Variants in MICU2 observed in about 807,000 individuals in gnomAD.
MICU2 encodes mitochondrial calcium uptake 2, also known as calcium uptake protein 2, mitochondrial.
MICU2 carries 64 observed loss-of-function variants against 60.4 expected under a neutral mutation model. That is an observed-to-expected ratio of 1.06 (90% CI 0.87 to 1.31). The LOEUF (loss-of-function observed/expected upper bound fraction) is 1.31, where lower values mean the gene tolerates loss of function less well. MICU2 is among the 50% of genes most tolerant of loss of function. The pLI is 0.00. For missense variants in MICU2, 569 were observed against 531.0 expected (o/e 1.07, Z -0.70); for synonymous variants, 201 against 175.0 (o/e 1.15, Z -1.17).
In MICU2 at chr13:21,521,338, G is replaced by A. The variant is rs762761722; in HGVS notation, c.515-11C>T. On this transcript the variant is annotated splice_polypyrimidine_tract_variant and intron_variant, in intron 5 of 11. Coordinates refer to ENST00000382374, the MANE Select transcript of MICU2 (RefSeq NM_152726.3). ...ATCCAGAATGGGGTTCTGCAGTGAA[G>A]TGAAAAATGAATATTTAAATGTTGA... is the stretch of plus-strand genomic sequence containing the variant. The A allele has an allele frequency of 1.3e-6, 2 of 1,595,694 alleles. No homozygotes were observed. Among genetic ancestry groups the A allele is most frequent in the South Asian group, 1.1e-5 (1 of 87,396 alleles).
chr13:21,555,303 A>G (rs1340383045), intron 2 of MICU2, among the ~76,000 whole-genome samples: 1 of 152,224 alleles, frequency 6.6e-6, no homozygotes. Flanking sequence ...ACAGCAACAC[A>G]TCAAAAAGCT....
intron 1 of MICU2, among the ~76,000 whole-genome samples, chr13:21,601,827 C>T (rs998854067): frequency 6.6e-6 from 1 of 152,030 alleles, no homozygotes; most frequent in East Asian, 1.9e-4. Flanking sequence ...GCATTTTGGC[C>T]GGGCGCTGTG....
At chr13:21,572,427 T>G (rs1417531899) in intron 1 of MICU2, among the ~76,000 whole-genome samples, 1 of 152,188 alleles carries the variant, frequency 6.6e-6, no homozygotes, top group Non-Finnish European at 1.5e-5. Context: ...TAGTGCCAAG[T>G]GAATCTACAT....
intron 1 of MICU2, among the ~76,000 whole-genome samples, chr13:21,601,789 G>C (rs1888821358): frequency 6.6e-6 from 1 of 152,186 alleles, no homozygotes; most frequent in African/African-American, 2.4e-5. Context: ...GACTATAAAA[G>C]GCTCTGAAAG....
intron 4 of MICU2, among the ~76,000 whole-genome samples, chr13:21,528,975 A>C (rs148018151): frequency 6.6e-6 from 1 of 152,108 alleles, no homozygotes; most frequent in African/African-American, 2.4e-5. Context: ...GAAAGCGTAA[A>C]AAGACGTGGC....
chr13:21,509,995 T>C lies in MICU2; in HGVS notation c.761+9A>G. On this transcript the variant is annotated intron_variant, in intron 8 of 11. Transcript: ENST00000382374. ...ATTTCCCTAAATGAATGTAAATATT[T>C]GCATTTACCTTCGAAATTCTTTATA... The C allele has an allele frequency of 1.4e-6, 2 of 1,475,198 alleles. No homozygotes were observed. The highest frequency in any genetic ancestry group is 1.8e-6 in the Non-Finnish European group (2 of 1,094,420). The allele number at this position is 1,475,198 out of a possible 1,614,324, so 91.4% of individuals were successfully genotyped here.
rs191372140 is a variant in MICU2, at chr13:21,510,056, G to C, written c.709C>G (p.Arg237Gly). The change falls in exon 8 of 12, where the codon CGT becomes GGT. Residue 237 changes from arginine (R) to glycine (G), a missense_variant. Coordinates refer to ENST00000382374, the MANE Select transcript of MICU2 (RefSeq NM_152726.3). ...EPEINTTLQM[R>G]FFGKRGQRKL... Reference sequence around the variant, plus strand: ...CTTTGTCCTCTTTTTCCAAAGAAACGCATCTGAAGAGTTGTGTTAATTTCA... The same window carrying C: ...CTTTGTCCTCTTTTTCCAAAGAAACCCATCTGAAGAGTTGTGTTAATTTCA... 6.5e-7 allele frequency: 1 copy of C among 1,534,790 alleles called. No homozygotes were observed. Among genetic ancestry groups the C allele is most frequent in the East Asian group, 2.5e-5 (1 of 40,236 alleles).
chr13:21,543,573 C>T (rs1203245263), intron 2 of MICU2, among the ~76,000 whole-genome samples: 1 of 152,034 alleles, frequency 6.6e-6, no homozygotes, highest in Non-Finnish European at 1.5e-5. Context: ...GGTACAAAAA[C>T]ACATACACAC....
At position 21,530,895 on chromosome 13, in the gene MICU2, A is replaced by G. The variant is rs991561655; in HGVS notation, c.467-8245T>C. The G allele has an allele frequency of 5.3e-6, 4 of 756,398 alleles. No homozygotes were observed. The African/African-American group carries it at 6.8e-5, about 13-fold the overall frequency. The allele number at this position is 756,398 out of a possible 1,614,324, so 46.9% of individuals were successfully genotyped here. On this transcript the variant is annotated intron_variant, in intron 4 of 11. Coordinates refer to ENST00000382374, the MANE Select transcript of MICU2 (RefSeq NM_152726.3). ...ACGTCCTGTACAGCGACAGAGCAGA[A>G]TGGGCTGATATAGATCTAGTGCTGC... is the stretch of plus-strand genomic sequence containing the variant.
At chr13:21,497,507 G>A (rs1006862802) in intron 9 of MICU2, among the ~76,000 whole-genome samples, 6 of 152,132 alleles carry the variant, frequency 3.9e-5, no homozygotes, top group African/African-American at 1.4e-4. Context: ...TCAGGAGTTG[G>A]AGACCAGACT....
intron 6 of MICU2, among the ~76,000 whole-genome samples, chr13:21,517,811 GCGCACA>G (rs1357609356): frequency 1.2e-4 from 17 of 139,214 alleles, no homozygotes; most frequent in African/African-American, 3.8e-4. Flanking sequence ...GCGCGCGCGC[GCGCACA>G]CGCGCTACAT....
intron 1 of MICU2, among the ~76,000 whole-genome samples, chr13:21,574,176 C>A (rs1196793689): frequency 6.6e-6 from 1 of 152,142 alleles, no homozygotes; most frequent in African/African-American, 2.4e-5. Context: ...CTATCCCTAC[C>A]CGAGATGCAA....
chr13:21,580,713 T>C lies in MICU2; in HGVS notation c.211-13769A>G, dbSNP rs181496316. On this transcript the variant is annotated intron_variant, in intron 1 of 11. Coordinates refer to ENST00000382374, the MANE Select transcript of MICU2 (RefSeq NM_152726.3). ...GATAGTCTCTTAACTTATAACTTTA[T>C]AAAACTTCATGTAAGTAACAAATAT... 3.1e-3 allele frequency among the ~76,000 whole-genome samples: 474 copies of C among 152,180 alleles called. 4 individuals are homozygous for C. The highest frequency in any genetic ancestry group is 3.8e-3 in the Non-Finnish European group (257 of 67,990).
In MICU2 at chr13:21,510,032, T is replaced by G; in HGVS notation, c.733A>C (p.Arg245=). Residue 245 remains arginine (R), a synonymous_variant, in exon 8 of 12, where the codon AGA becomes CGA. Coordinates refer to ENST00000382374, the MANE Select transcript of MICU2 (RefSeq NM_152726.3). ...CGAAATTCTTTATAATGAAGTTTTC[T>G]TTGTCCTCTTTTTCCAAAGAAACGC... ...QMRFFGKRGQ[R]KLHYKEFRRF... is the part of the protein sequence containing the mutation. 1 of 1,544,824 alleles carries G rather than the reference T, an allele frequency of 6.5e-7. No homozygotes were observed. The highest frequency in any genetic ancestry group is 8.7e-7 in the Non-Finnish European group (1 of 1,152,104).
chr13:21,580,206 T>G (rs1392303487), intron 1 of MICU2, among the ~76,000 whole-genome samples: 3 of 152,188 alleles, frequency 2.0e-5, no homozygotes, highest in Non-Finnish European at 4.4e-5. Context: ...TAAGTAAAAT[T>G]GTTAGCATTT....
chr13:21,560,357 G>A (rs1047463360), intron 2 of MICU2, among the ~76,000 whole-genome samples: 2 of 151,968 alleles, frequency 1.3e-5, no homozygotes, highest in South Asian at 2.1e-4. Flanking sequence ...ACCATTCGTT[G>A]AACAGTCCCT....
intron 2 of MICU2, among the ~76,000 whole-genome samples, chr13:21,557,095 G>A (rs2798267): frequency 0.98 from 148,486 of 152,288 alleles, 72,486 homozygotes; most frequent in Middle Eastern, 1. Context: ...GCTTGGGAAT[G>A]ATGGGATAGT....
At chr13:21,511,128 A>T (rs1886418676) in intron 7 of MICU2, among the ~76,000 whole-genome samples, 1 of 152,214 alleles carries the variant, frequency 6.6e-6, no homozygotes, top group African/African-American at 2.4e-5. Context: ...GAGAGAAAGC[A>T]GAGTCTAGGT....
intron 1 of MICU2, chr13:21,602,936 A>G (rs1888858846): frequency 1.3e-5 from 2 of 151,088 alleles, no homozygotes; most frequent in Non-Finnish European, 2.9e-5. Flanking sequence ...AATGCGTTAC[A>G]ACATCATTTA....
Sources: gnomAD v4.1 joint callset for allele counts (sites outside exome capture counted in the v4.1 genomes callset) on GRCh38, gnomAD v4.1.1 for gene constraint, MANE v1.5 for transcripts, NCBI Gene and HGNC (gene_info 2026-07-23, HGNC 2026-07-21) for gene names.